EFCAB8: variants seen among roughly 807,000 people sequenced by gnomAD.
EFCAB8 encodes the protein EF-hand calcium binding domain 8.
In EFCAB8, 100 loss-of-function variants were observed where a neutral mutation model predicts 116.3. That is an observed-to-expected ratio of 0.86 (90% confidence interval 0.73 to 1.02). The LOEUF is 1.02. EFCAB8 is among the 50% of genes least tolerant of loss of function. The pLI is 0.00. For missense variants in EFCAB8, 1,320 were observed against 1,416.9 expected, an observed-to-expected ratio of 0.93 and a Z score of 1.10; for synonymous variants, 558 against 567.9, an observed-to-expected ratio of 0.98 and a Z score of 0.25.
At chr20:32,903,461 C>G (rs1986528311) in intron 11 of EFCAB8, 1 of 152,218 alleles carries the variant, frequency 6.6e-6, no homozygotes, top group South Asian at 2.1e-4. Context: ...AGAAGGAAAA[C>G]CCCCTATGGC....
intron 7 of EFCAB8, among the ~76,000 whole-genome samples, chr20:32,890,227 G>A (rs935964917): frequency 2.0e-5 from 3 of 151,818 alleles, no homozygotes; most frequent in Non-Finnish European, 2.9e-5. Context: ...GGCCACTGTG[G>A]TCTCCTCTGG....
chr20:32,940,043 T>C (rs867757047), intron 22 of EFCAB8, among the ~76,000 whole-genome samples: 6,317 of 70,696 alleles, frequency 0.089, 972 homozygotes, highest in African/African-American at 0.16. Context: ...CTTCCTTCCT[T>C]CCTTCCTTCC....
intron 17 of EFCAB8, among the ~76,000 whole-genome samples, chr20:32,914,644 G>C (rs556036579): frequency 2.6e-5 from 4 of 152,308 alleles, no homozygotes; most frequent in African/African-American, 7.2e-5. Context: ...GCAGGAGAGA[G>C]AGTGCAAGGG....
intron 9 of EFCAB8, among the ~76,000 whole-genome samples, chr20:32,893,527 G>A (rs1986018562): frequency 6.6e-6 from 1 of 152,222 alleles, no homozygotes; most frequent in Non-Finnish European, 1.5e-5. Flanking sequence ...CCTCTCTGAG[G>A]ATGGGAGGCT....
At chr20:32,904,344 A>T (rs1246760737) in intron 11 of EFCAB8, among the ~76,000 whole-genome samples, 1 of 151,418 alleles carries the variant, frequency 6.6e-6, no homozygotes. Context: ...TCTGTCCCCC[A>T]GGCTGGAGTG....
chr20:32,895,571 C>CTTTTT (rs202111336), intron 9 of EFCAB8, among the ~76,000 whole-genome samples: 5 of 138,470 alleles, frequency 3.6e-5, no homozygotes, highest in Admixed American at 1.4e-4. Flanking sequence ...TTCTTTCTTT[C>CTTTTT]TTTCTTTTTT....
At chr20:32,866,892 T>C (rs1040594529) in intron 2 of EFCAB8, among the ~76,000 whole-genome samples, 2 of 150,390 alleles carry the variant, frequency 1.3e-5, no homozygotes, top group Middle Eastern at 3.4e-3. Flanking sequence ...CTTCCTTTCT[T>C]TCTCTCTCTC....
intron 9 of EFCAB8, among the ~76,000 whole-genome samples, chr20:32,895,486 T>C (rs1460590362): frequency 2.6e-5 from 4 of 151,496 alleles, no homozygotes; most frequent in African/African-American, 9.7e-5. Flanking sequence ...CCACCACTTC[T>C]GGCTAATTTT....
chr20:32,961,252 C>T lies in EFCAB8; in HGVS notation c.3510C>T (p.Ala1170=). Residue 1170 remains alanine (A), a synonymous_variant, in exon 27 of 27, where the codon GCC becomes GCT. Coordinates refer to ENST00000400522, the MANE Select transcript of EFCAB8 (RefSeq NM_001143967.2). ...AAGACCAGCACATCCGCCTGGTGGC[C>T]CACCATGTCCAGAAGGACCTGGTGC... is the stretch of plus-strand genomic sequence containing the variant. The part of the protein sequence containing the change: ...DQQDQHIRLV[A]HHVQKDLVPS... The T allele has an allele frequency of 6.4e-7, 1 of 1,551,460 alleles. No homozygotes were observed.
chr20:32,938,301 A>G (rs1313097636), intron 22 of EFCAB8, among the ~76,000 whole-genome samples: 1 of 149,874 alleles, frequency 6.7e-6, no homozygotes, highest in Non-Finnish European at 1.5e-5. Flanking sequence ...AGAAATAGAA[A>G]CTCCTTCAAC....
chr20:32,951,231 A>T (rs888857891), intron 23 of EFCAB8, among the ~76,000 whole-genome samples: 6 of 152,210 alleles, frequency 3.9e-5, no homozygotes, highest in Non-Finnish European at 8.8e-5. Context: ...TACATACATA[A>T]ATGTTCACAG....
intron 6 of EFCAB8, among the ~76,000 whole-genome samples, chr20:32,889,099 C>T (rs1985781385): frequency 6.6e-6 from 1 of 151,982 alleles, no homozygotes; most frequent in Non-Finnish European, 1.5e-5. Flanking sequence ...TTCTTTAAGC[C>T]CATTTTACGA....
intron 22 of EFCAB8, among the ~76,000 whole-genome samples, chr20:32,936,219 A>T (rs546074479): frequency 1.1e-4 from 16 of 151,844 alleles, no homozygotes; most frequent in African/African-American, 1.5e-4. Flanking sequence ...TTTTTGGTAG[A>T]GACAGGATTT....
intron 3 of EFCAB8, among the ~76,000 whole-genome samples, chr20:32,868,936 G>A (rs1984557665): frequency 1.3e-5 from 2 of 152,132 alleles, no homozygotes; most frequent in Admixed American, 1.3e-4. Flanking sequence ...AGTGAGCCAA[G>A]GTCATGCCAC....
intron 23 of EFCAB8, among the ~76,000 whole-genome samples, chr20:32,957,664 A>G (rs952297407): frequency 1.3e-5 from 2 of 152,098 alleles, no homozygotes; most frequent in Non-Finnish European, 2.9e-5. Context: ...CTGTGCATTC[A>G]GGCGAGACTT....
chr20:32,957,296 TG>T (rs1402730206), intron 23 of EFCAB8, among the ~76,000 whole-genome samples: 12 of 151,460 alleles, frequency 7.9e-5, no homozygotes, highest in African/African-American at 2.9e-4. Flanking sequence ...CCTTTTCACA[TG>T]TCATATATAC....
chr20:32,934,056 C>A (rs1215219482), intron 22 of EFCAB8, among the ~76,000 whole-genome samples: 1 of 148,640 alleles, frequency 6.7e-6, no homozygotes, highest in Non-Finnish European at 1.5e-5. Flanking sequence ...GTTGCCCAGG[C>A]TGGTCTTGAA....
chr20:32,931,494 C>T (rs1164768672), intron 22 of EFCAB8, 158 bp downstream of exon 22: 4 of 609,058 alleles, frequency 6.6e-6, no homozygotes, highest in Non-Finnish European at 8.2e-6. Context: ...CGTGGTGGCC[C>T]ACGCCTGTAA....
intron 3 of EFCAB8, among the ~76,000 whole-genome samples, chr20:32,874,865 A>G (rs1418694753): frequency 2.7e-5 from 4 of 149,272 alleles, no homozygotes; most frequent in Non-Finnish European, 4.5e-5. Context: ...TCCTGCCTCA[A>G]CCTCCCAAGT....
Sources: gnomAD v4.1 joint callset for allele counts (sites outside exome capture counted in the v4.1 genomes callset) on GRCh38, gnomAD v4.1.1 for gene constraint, MANE v1.5 for transcripts, NCBI Gene and HGNC (gene_info 2026-07-23, HGNC 2026-07-21) for gene names.